DEUP1: variants seen among roughly 807,000 people sequenced by gnomAD.
The protein encoded by DEUP1 is deuterosome assembly protein 1.
A neutral mutation model predicts 87.4 loss-of-function variants in DEUP1; 82 were observed. That is an observed-to-expected ratio of 0.94 (90% CI 0.78 to 1.13). The LOEUF (loss-of-function observed/expected upper bound fraction) is 1.13. Among genes scored for constraint, DEUP1 ranks in the 50% most tolerant of loss-of-function variants. The pLI, the probability that DEUP1 is intolerant of heterozygous loss-of-function variation, is 0.00. For synonymous variants in DEUP1, 214 were observed against 222.7 expected (o/e 0.96, Z 0.35); for missense variants, 663 against 681.5 (o/e 0.97, Z 0.30).
At chr11:93,402,352 A>G (rs753632471) in intron 11 of DEUP1, among the ~76,000 whole-genome samples, 11 of 152,104 alleles carry the variant, frequency 7.2e-5, no homozygotes, top group Non-Finnish European at 1.3e-4. Flanking sequence ...AAAGACAGGT[A>G]ATAATGGATG....
rs757115680 is a variant in DEUP1, at chr11:93,437,747, C to CCA, written c.*29_*30insAC. The CCA allele has an allele frequency of 1.6e-5, 17 of 1,052,652 alleles. 1 individual carries two copies. The South Asian group carries it at 1.6e-4, about 10-fold the overall frequency. 65.2% of individuals were successfully genotyped at this position (1,052,652 alleles called of 1,614,324 possible). Reference sequence around the variant, plus strand: ...TTTTAAACTTTTTTATTTGCTTCCCCCCCCCACCCCCGCCAAGAAAAAAAG... The same window carrying CCA: ...TTTTAAACTTTTTTATTTGCTTCCCCCACCCCCACCCCCGCCAAGAAAAAAAG... On this transcript the variant is annotated 3_prime_UTR_variant, in exon 14 of 14. Coordinates refer to ENST00000298050, the MANE Select transcript of DEUP1 (RefSeq NM_181645.4).
intron 11 of DEUP1, among the ~76,000 whole-genome samples, chr11:93,403,605 A>T (rs943587440): frequency 1.2e-4 from 18 of 151,698 alleles, no homozygotes; most frequent in Non-Finnish European, 2.1e-4. Flanking sequence ...CAAGTGATTT[A>T]TTTTATTAGC....
intron 2 of DEUP1, among the ~76,000 whole-genome samples, chr11:93,341,699 A>G (rs77652473): frequency 0.011 from 1,655 of 152,252 alleles, 34 homozygotes; most frequent in African/African-American, 0.038. Context: ...ACCAGCCCGG[A>G]TGACAGAGTA....
chr11:93,384,276 G>C (rs1171812711), intron 7 of DEUP1, among the ~76,000 whole-genome samples: 1 of 152,104 alleles, frequency 6.6e-6, no homozygotes, highest in African/African-American at 2.4e-5. Context: ...TCCTTCTACT[G>C]TTAGAACATG....
chr11:93,344,325 C>T (rs1944228334), intron 2 of DEUP1, among the ~76,000 whole-genome samples: 1 of 151,968 alleles, frequency 6.6e-6, no homozygotes, highest in South Asian at 2.1e-4. Flanking sequence ...TTAGTATAGC[C>T]TATTAACTAA....
At position 93,364,200 on chromosome 11, in the gene DEUP1, A is replaced by C; in HGVS notation, c.338A>C (p.His113Pro). 6.2e-7 allele frequency: 1 copy of C among 1,603,376 alleles called. No homozygotes were observed. Among genetic ancestry groups the C allele is most frequent in the Non-Finnish European group, 8.5e-7 (1 of 1,171,314 alleles). The change falls in exon 5 of 14, where the codon CAT becomes CCT. Residue 113 changes from histidine (H) to proline (P), a missense_variant. Physicochemically the swap from His to Pro is moderately conservative, Grantham distance 77. Transcript: ENST00000298050. The stretch of plus-strand genomic sequence containing the variant: ...AATAACTTTGAAAAACTGAGATTAC[A>C]TCAGATGAAACAAAACAAAGTTCCA... Reference protein sequence around the residue: ...LTNNFEKLRLHQMKQNKVPRK... With the variant: ...LTNNFEKLRLPQMKQNKVPRK...
At chr11:93,401,438 A>G (rs1468521399) in intron 11 of DEUP1, among the ~76,000 whole-genome samples, 1 of 152,134 alleles carries the variant, frequency 6.6e-6, no homozygotes, top group Non-Finnish European at 1.5e-5. Flanking sequence ...AATAGAAAAA[A>G]AACTATTCTA....
intron 2 of DEUP1, chr11:93,352,351 CTG>C (rs776656104): frequency 3.7e-5 from 26 of 702,396 alleles, no homozygotes; most frequent in Admixed American, 8.0e-5. Flanking sequence ...GTCTGAGTGA[CTG>C]GACTTACACC....
intron 13 of DEUP1, among the ~76,000 whole-genome samples, chr11:93,430,288 GA>G (rs1329015049): frequency 6.6e-6 from 1 of 151,714 alleles, no homozygotes; most frequent in Non-Finnish European, 1.5e-5. Flanking sequence ...ACATGTCTTT[GA>G]ATAAGATAGA....
chr11:93,355,288 A>G, intron 2 of DEUP1, 83 bp from the exon 3 acceptor site: 3 of 1,146,648 alleles, frequency 2.6e-6, no homozygotes, highest in Non-Finnish European at 3.8e-6. Flanking sequence ...ATAATGTTCA[A>G]GCTATGCAGA....
intron 13 of DEUP1, among the ~76,000 whole-genome samples, chr11:93,436,588 GA>G (rs1948255415): frequency 6.6e-6 from 1 of 152,176 alleles, no homozygotes; most frequent in Non-Finnish European, 1.5e-5. Context: ...CTACTGGTTG[GA>G]AAAGTGTGCA....
chr11:93,417,699 C>A (rs1438177472), intron 13 of DEUP1, among the ~76,000 whole-genome samples: 1 of 145,188 alleles, frequency 6.9e-6, no homozygotes. Flanking sequence ...TCATATGGAA[C>A]CAAAAAAGAG....
intron 4 of DEUP1, among the ~76,000 whole-genome samples, chr11:93,360,052 G>T (rs1459677803): frequency 6.6e-6 from 1 of 152,046 alleles, no homozygotes; most frequent in East Asian, 1.9e-4. Flanking sequence ...GGCTGTTGAG[G>T]AGTCACCACT....
At chr11:93,413,897 GA>G (rs1318444069) in intron 12 of DEUP1, among the ~76,000 whole-genome samples, 3 of 152,122 alleles carry the variant, frequency 2.0e-5, no homozygotes, top group African/African-American at 7.2e-5. Context: ...ACGAATAATT[GA>G]ACTTTTAAAT....
chr11:93,370,925 G>A, intron 6 of DEUP1, 113 bp from the exon 7 acceptor site: 1 of 950,356 alleles, frequency 1.1e-6, no homozygotes, highest in South Asian at 1.8e-5. Context: ...CTTTCATTAT[G>A]TAGTAACATA....
intron 2 of DEUP1, among the ~76,000 whole-genome samples, chr11:93,335,091 C>A (rs982676654): frequency 6.6e-6 from 1 of 152,164 alleles, no homozygotes; most frequent in Non-Finnish European, 1.5e-5. Context: ...TTGCTGCCTG[C>A]CATAGGGTTA....
intron 2 of DEUP1, among the ~76,000 whole-genome samples, chr11:93,341,341 C>T (rs1481476845): frequency 6.6e-6 from 1 of 152,106 alleles, no homozygotes; most frequent in East Asian, 1.9e-4. Context: ...ATCACTTGAG[C>T]TTCTTCCTCA....
At chr11:93,362,533 T>C (rs1945223527) in intron 4 of DEUP1, among the ~76,000 whole-genome samples, 2 of 151,838 alleles carry the variant, frequency 1.3e-5, no homozygotes, top group Non-Finnish European at 3.0e-5. Context: ...AGGATGGTTA[T>C]AATAAAAAAG....
chr11:93,385,804 C>T (rs1417089644), intron 8 of DEUP1, among the ~76,000 whole-genome samples: 1 of 152,094 alleles, frequency 6.6e-6, no homozygotes, highest in Admixed American at 6.5e-5. Context: ...TGGCTCCTAG[C>T]ACTTTGGAAG....
Sources: allele counts gnomAD v4.1 joint callset (sites outside exome capture counted in the v4.1 genomes callset), GRCh38; gene constraint gnomAD v4.1.1; transcripts MANE v1.5; gene names NCBI Gene and HGNC (gene_info 2026-07-23, HGNC 2026-07-21).